GRID2: variants seen among roughly 807,000 people sequenced by gnomAD.
The protein encoded by GRID2 is glutamate receptor ionotropic, delta-2.
A neutral mutation model predicts 114.8 loss-of-function variants in GRID2; 33 were observed. The ratio of observed to expected loss-of-function variants is 0.29; its 90% CI spans 0.22 to 0.38. The LOEUF (loss-of-function observed/expected upper bound fraction) is 0.38, where lower values mean the gene tolerates loss of function less well. Among genes scored for constraint, GRID2 ranks in the 10% least tolerant of loss-of-function variants. The pLI is 1.00. For synonymous variants in GRID2, 505 were observed against 449.9 expected, an observed-to-expected ratio of 1.12 and a Z score of -1.55; for missense variants, 1,184 against 1,257.7, an observed-to-expected ratio of 0.94 and a Z score of 0.89.
At chr4:92,854,978 C>G (rs1744076276) in intron 2 of GRID2, among the ~76,000 whole-genome samples, 1 of 151,874 alleles carries the variant, frequency 6.6e-6, no homozygotes, top group Non-Finnish European at 1.5e-5. Context: ...GATAAAAATT[C>G]AAATATAAAT....
At chr4:92,386,074 G>A (rs943779862) in intron 1 of GRID2, among the ~76,000 whole-genome samples, 1 of 151,430 alleles carries the variant, frequency 6.6e-6, no homozygotes, top group African/African-American at 2.4e-5. Context: ...TCAGTATTTT[G>A]TATGATATTC....
At chr4:93,427,273 CA>C (rs1768945462) in intron 10 of GRID2, among the ~76,000 whole-genome samples, 1 of 151,676 alleles carries the variant, frequency 6.6e-6, no homozygotes, top group Non-Finnish European at 1.5e-5. Flanking sequence ...CCCTATAAAC[CA>C]AAATTACACC....
At chr4:93,713,782 C>T (rs1159174636) in intron 14 of GRID2, among the ~76,000 whole-genome samples, 1 of 152,120 alleles carries the variant, frequency 6.6e-6, no homozygotes, top group African/African-American at 2.4e-5. Context: ...AACTTTTTCA[C>T]TCAAAACTCC....
At chr4:92,749,039 G>A (rs1737301194) in intron 2 of GRID2, among the ~76,000 whole-genome samples, 1 of 151,650 alleles carries the variant, frequency 6.6e-6, no homozygotes, top group Non-Finnish European at 1.5e-5. Flanking sequence ...CTGTCACCAG[G>A]CTGGAGTGCA....
chr4:93,183,462 C>G (rs1367348370), intron 4 of GRID2, among the ~76,000 whole-genome samples: 1 of 152,204 alleles, frequency 6.6e-6, no homozygotes, highest in Non-Finnish European at 1.5e-5. Context: ...ATTTGTTCTA[C>G]TACATCTAAA....
chr4:92,603,273 C>T (rs1482934006), intron 2 of GRID2, among the ~76,000 whole-genome samples: 1 of 151,878 alleles, frequency 6.6e-6, no homozygotes, highest in African/African-American at 2.4e-5. Context: ...CAAAGTTGAG[C>T]CATCACACTA....
At chr4:93,538,471 GTTCCT>G (rs1560728763) in intron 13 of GRID2, among the ~76,000 whole-genome samples, 1 of 151,346 alleles carries the variant, frequency 6.6e-6, no homozygotes, top group Non-Finnish European at 1.5e-5. Flanking sequence ...TAGATACTGC[GTTCCT>G]ACAGGAGCTT....
At chr4:92,789,698 G>A (rs1441738427) in intron 2 of GRID2, among the ~76,000 whole-genome samples, 6 of 151,810 alleles carry the variant, frequency 4.0e-5, no homozygotes, top group African/African-American at 7.2e-5. Flanking sequence ...CTATTTAAAC[G>A]TATTTATTTT....
At chr4:93,665,501 T>C (rs771302882) in intron 14 of GRID2, among the ~76,000 whole-genome samples, 2 of 152,204 alleles carry the variant, frequency 1.3e-5, no homozygotes, top group Admixed American at 1.3e-4. Context: ...GTCTTCCATT[T>C]TCTTTACAAA....
intron 2 of GRID2, among the ~76,000 whole-genome samples, chr4:92,926,566 G>A (rs1462219023): frequency 6.6e-6 from 1 of 151,942 alleles, no homozygotes; most frequent in Non-Finnish European, 1.5e-5. Context: ...TATAACTGCT[G>A]AAAAAGAGTC....
chr4:92,579,143 T>A (rs559338268), intron 1 of GRID2, among the ~76,000 whole-genome samples: 1 of 152,262 alleles, frequency 6.6e-6, no homozygotes, highest in African/African-American at 2.4e-5. Context: ...CATAAGAATT[T>A]ATCCAAACGT....
chr4:93,144,717 T>C (rs769722420), intron 4 of GRID2, among the ~76,000 whole-genome samples: 3 of 145,464 alleles, frequency 2.1e-5, no homozygotes, highest in Non-Finnish European at 3.0e-5. Flanking sequence ...ATAGTTTTAA[T>C]ATTTAAAAAT....
intron 4 of GRID2, among the ~76,000 whole-genome samples, chr4:93,161,863 T>G: frequency 6.6e-6 from 1 of 151,960 alleles, no homozygotes; most frequent in South Asian, 2.1e-4. Context: ...TTTTATACTT[T>G]AAGTTTTTCT....
intron 2 of GRID2, among the ~76,000 whole-genome samples, chr4:92,671,882 C>T (rs1408982482): frequency 1.3e-5 from 2 of 152,020 alleles, no homozygotes; most frequent in Non-Finnish European, 2.9e-5. Context: ...AATATCTTTC[C>T]AGAACCTTTC....
intron 8 of GRID2, among the ~76,000 whole-genome samples, chr4:93,254,423 A>T (rs1161686236): frequency 6.6e-6 from 1 of 152,142 alleles, no homozygotes; most frequent in Non-Finnish European, 1.5e-5. Flanking sequence ...CTTGATGCTC[A>T]TGAAGAGAAA....
intron 14 of GRID2, among the ~76,000 whole-genome samples, chr4:93,676,134 T>G (rs1422408896): frequency 2.0e-5 from 3 of 152,206 alleles, no homozygotes; most frequent in Non-Finnish European, 4.4e-5. Context: ...GCTAGAACAG[T>G]TAGATAGACC....
At chr4:92,745,154 T>G (rs1737086867) in intron 2 of GRID2, among the ~76,000 whole-genome samples, 1 of 152,208 alleles carries the variant, frequency 6.6e-6, no homozygotes, top group Admixed American at 6.5e-5. Context: ...TGTCCTAGTC[T>G]GACAGCACAG....
In GRID2 at chr4:93,400,112, C is replaced by G. The variant is rs528101288; in HGVS notation, c.1347+4404C>G. 5.3e-5 allele frequency among the ~76,000 whole-genome samples: 8 copies of G among 152,186 alleles called. No individual in the cohort carries two copies. In the South Asian group the frequency reaches 1.7e-3, roughly 32 times the overall value. ...TTCAAGATCAGAGATCCTGGTTCCA[C>G]AAACCATGTCCTTAGCCACTCTGAT... On this transcript the variant is annotated intron_variant, in intron 9 of 15. Coordinates refer to ENST00000282020, the MANE Select transcript of GRID2 (RefSeq NM_001510.4).
intron 14 of GRID2, among the ~76,000 whole-genome samples, chr4:93,766,109 A>T (rs1733647611): frequency 6.6e-6 from 1 of 152,226 alleles, no homozygotes; most frequent in African/African-American, 2.4e-5. Context: ...ATGGAGGATG[A>T]GTACACACTC....
Sources: gnomAD v4.1 joint callset for allele counts (sites outside exome capture counted in the v4.1 genomes callset) on GRCh38, gnomAD v4.1.1 for gene constraint, MANE v1.5 for transcripts, NCBI Gene and HGNC (gene_info 2026-07-23, HGNC 2026-07-21) for gene names.